The following AGO2 variants were observed in gnomAD, a reference collection of about 807,000 sequenced individuals.
AGO2 encodes the protein argonaute RISC catalytic component 2, also known as protein argonaute-2.
Under a neutral mutation model 102.3 loss-of-function variants are expected in AGO2, and 5 were observed. The ratio of observed to expected loss-of-function variants is 0.05; its 90% confidence interval spans 0.03 to 0.10. The LOEUF (loss-of-function observed/expected upper bound fraction) is 0.10. Ranked by LOEUF, AGO2 falls within the 10% of genes least tolerant of loss-of-function variation. The probability of loss-of-function intolerance (pLI) is 1.00; values close to 1 mark genes in which losing one functional copy is unlikely to be tolerated. For synonymous variants in AGO2, 449 were observed against 473.1 expected, an observed-to-expected ratio of 0.95 and a Z score of 0.66; for missense variants, 541 against 1,183.7, an observed-to-expected ratio of 0.46 and a Z score of 7.97.
intron 1 of AGO2, among the ~76,000 whole-genome samples, chr8:140,595,809 GTA>G (rs1278395746): frequency 1.6e-4 from 4 of 25,092 alleles, no homozygotes; most frequent in African/African-American, 1.8e-4. Context: ...ATATACAATT[GTA>G]TATATTATAT....
chr8:140,590,398 G>C (rs571150755), intron 1 of AGO2, among the ~76,000 whole-genome samples: 1 of 152,264 alleles, frequency 6.6e-6, no homozygotes, highest in South Asian at 2.1e-4. Flanking sequence ...GCCCAAACAC[G>C]GACGCCGAGG....
At chr8:140,579,472 T>C (rs977994317) in intron 2 of AGO2, among the ~76,000 whole-genome samples, 1 of 152,156 alleles carries the variant, frequency 6.6e-6, no homozygotes, top group Non-Finnish European at 1.5e-5. Context: ...CCACTAGGTC[T>C]AGAACTACAG....
intron 1 of AGO2, among the ~76,000 whole-genome samples, chr8:140,632,538 C>T (rs1334959422): frequency 6.6e-6 from 1 of 152,158 alleles, no homozygotes; most frequent in African/African-American, 2.4e-5. Flanking sequence ...GGCAAATCTG[C>T]GAGGGGTGTA....
intron 1 of AGO2, among the ~76,000 whole-genome samples, chr8:140,634,038 G>C (rs1314096318): frequency 1.3e-5 from 2 of 152,244 alleles, no homozygotes; most frequent in East Asian, 3.9e-4. Flanking sequence ...CTCACAAGGG[G>C]ATGCCCGGTC....
intron 1 of AGO2, among the ~76,000 whole-genome samples, chr8:140,613,908 C>T (rs1479840466): frequency 6.7e-6 from 1 of 149,128 alleles, no homozygotes; most frequent in African/African-American, 2.5e-5. Flanking sequence ...ATCCCAGCTA[C>T]TCAGGAGGCT....
chr8:140,626,731 T>C (rs2074283703), intron 1 of AGO2: 1 of 152,466 alleles, frequency 6.6e-6, no homozygotes. Flanking sequence ...TCCCAAGAGC[T>C]CAGACACCTC....
chr8:140,586,406 C>T (rs2073656788), intron 1 of AGO2, among the ~76,000 whole-genome samples: 1 of 152,152 alleles, frequency 6.6e-6, no homozygotes, highest in Non-Finnish European at 1.5e-5. Flanking sequence ...GGCAGGAGAA[C>T]CGCTTGAACG....
intron 1 of AGO2, among the ~76,000 whole-genome samples, chr8:140,630,251 C>T (rs78398157): frequency 0.037 from 5,704 of 152,278 alleles, 280 homozygotes; most frequent in African/African-American, 0.11. Flanking sequence ...AGAGGCCGCC[C>T]GTCCACCCTG....
intron 10 of AGO2, among the ~76,000 whole-genome samples, chr8:140,553,002 A>T (rs1383843125): frequency 3.9e-5 from 6 of 152,192 alleles, no homozygotes; most frequent in African/African-American, 2.4e-5. Flanking sequence ...GTTTTTTTGC[A>T]CTAACAATGG....
At position 140,540,497 on chromosome 8, in the gene AGO2, G is replaced by A. The variant is rs1303504840; in HGVS notation, c.2034+667C>T. On this transcript the variant is annotated intron_variant, in intron 15 of 18. Transcript: ENST00000220592. The surrounding 1 kb of genome is among the most constrained non-coding windows in gnomAD (Gnocchi z 5.0). ...GGGAGAAACATTCAGGGCACCCATC[G>A]CCCGGGTTCCAGGCCAAGATGGACT... Among the ~76,000 whole-genome samples, 2 of 152,212 alleles carry A rather than the reference G, an allele frequency of 1.3e-5. No individual in the cohort carries two copies. The highest frequency in any genetic ancestry group is 3.8e-4 in the East Asian group (2 of 5,198).
At chr8:140,627,531 T>C (rs1021652363) in intron 1 of AGO2, among the ~76,000 whole-genome samples, 16 of 152,102 alleles carry the variant, frequency 1.1e-4, no homozygotes, top group South Asian at 6.2e-4. Flanking sequence ...TTGCCCTGAG[T>C]TACTGCCCCA....
chr8:140,599,007 C>T (rs1351094502), intron 1 of AGO2, among the ~76,000 whole-genome samples: 1 of 152,228 alleles, frequency 6.6e-6, no homozygotes, highest in African/African-American at 2.4e-5. Context: ...CATCCTGCTG[C>T]TCACGCTGAG....
intron 1 of AGO2, among the ~76,000 whole-genome samples, chr8:140,630,873 T>G (rs1338761410): frequency 2.0e-5 from 3 of 152,104 alleles, no homozygotes; most frequent in Non-Finnish European, 4.4e-5. Flanking sequence ...GGGCAACATG[T>G]CAGGACTCCA....
chr8:140,562,570 C>G lies in AGO2; in HGVS notation c.401G>C (p.Trp134Ser), dbSNP rs2073220576. The G allele has an allele frequency of 6.2e-7, 1 of 1,614,168 alleles. No homozygotes were observed. The highest frequency in any genetic ancestry group is 8.5e-7 in the Non-Finnish European group (1 of 1,180,044). The change falls in exon 4 of 19, where the codon TGG (tryptophan) becomes TCG (serine). Residue 134 changes from tryptophan to serine, a missense_variant. Around this residue, in one of 6 missense-constraint regions of AGO2, gnomAD observed 147 missense variants for 204.1 expected, o/e 0.72. Transcript: ENST00000220592. Reference protein sequence around the residue: ...KDRIFKVSIKWVSCVSLQALH... With the variant: ...KDRIFKVSIKSVSCVSLQALH... Reference sequence around the variant, plus strand: ...CGCCTGCAAGCTCACGCAGGACACCCACTTGATGGACACCTTGAAGATGCG... The same window carrying G: ...CGCCTGCAAGCTCACGCAGGACACCGACTTGATGGACACCTTGAAGATGCG...
intron 1 of AGO2, among the ~76,000 whole-genome samples, chr8:140,609,300 T>C (rs917445120): frequency 6.6e-6 from 1 of 152,168 alleles, no homozygotes; most frequent in African/African-American, 2.4e-5. Flanking sequence ...ACGGGGAACC[T>C]AGGATGGGCA....
rs1290278633 is a variant in AGO2, at chr8:140,557,824, C to T, written c.879-588G>A. Among the ~76,000 whole-genome samples, 3 of 152,218 alleles carry T rather than the reference C, an allele frequency of 2.0e-5. No individual in the cohort carries two copies. The highest frequency in any genetic ancestry group is 6.5e-5 in the Admixed American group (1 of 15,288). On this transcript the variant is annotated intron_variant, in intron 7 of 18. Coordinates refer to ENST00000220592, the MANE Select transcript of AGO2 (RefSeq NM_012154.5). The surrounding 1 kb of genome is among the most constrained non-coding windows in gnomAD (Gnocchi z 5.9). ...TTTCTACTGCACAGACCCCTTCCCC[C>T]AATCCAGACTGCCGGGCCATCTGCA... is the stretch of plus-strand genomic sequence containing the variant.
In AGO2 at chr8:140,549,446, C is replaced by T. The variant is rs1199757351; in HGVS notation, c.1404-148G>A. The T allele has an allele frequency of 4.9e-5, 36 of 739,808 alleles. 1 individual carries two copies. In the South Asian group the frequency reaches 5.6e-4, roughly 11 times the overall value. 45.8% of individuals were successfully genotyped at this position (739,808 alleles called of 1,614,324 possible). On this transcript the variant is annotated intron_variant, in intron 11 of 18. Transcript: ENST00000220592. ...ATTGTTCTTAAAGTCCTGAATGAGGCCAGAATTCAGAGCTACATCTCCTAA... is the reference window on the plus strand; with the variant it reads ...ATTGTTCTTAAAGTCCTGAATGAGGTCAGAATTCAGAGCTACATCTCCTAA...
intron 1 of AGO2, among the ~76,000 whole-genome samples, chr8:140,590,876 T>A (rs935224667): frequency 2.6e-5 from 4 of 152,184 alleles, no homozygotes; most frequent in African/African-American, 7.2e-5. Context: ...CAGATCCTGC[T>A]GCAGCCTCAG....
At chr8:140,618,903 A>C (rs1463295313) in intron 1 of AGO2, among the ~76,000 whole-genome samples, 2 of 152,012 alleles carry the variant, frequency 1.3e-5, no homozygotes. Context: ...ACATCTCCTA[A>C]ACTATTTGAA....
Sources: gnomAD v4.1 joint callset for allele counts (sites outside exome capture counted in the v4.1 genomes callset) on GRCh38, gnomAD v4.1.1 for gene constraint, gnomAD v4.1.1 regional missense constraint, Gnocchi (gnomAD v3.1) non-coding constraint, MANE v1.5 for transcripts, NCBI Gene and HGNC (gene_info 2026-07-23, HGNC 2026-07-21) for gene names.